The following DNAH7 variants were observed in gnomAD, a reference collection of about 807,000 sequenced individuals.
DNAH7 encodes the protein dynein axonemal heavy chain 7.
In DNAH7, 397 loss-of-function variants were observed where a neutral mutation model predicts 444.6. The observed-to-expected ratio is 0.89, with a 90% confidence interval of 0.82 to 0.97. The LOEUF is 0.97. Ranked by LOEUF, DNAH7 falls within the 50% of genes least tolerant of loss-of-function variation. The pLI is 0.00. For missense variants in DNAH7, 4,902 were observed against 4,800.8 expected (o/e 1.02, Z -0.62); for synonymous variants, 1,636 against 1,624.4 (o/e 1.01, Z -0.17).
intron 58 of DNAH7, among the ~76,000 whole-genome samples, chr2:195,784,108 G>T (rs752972606): frequency 4.6e-5 from 7 of 152,048 alleles, no homozygotes; most frequent in Admixed American, 6.5e-5. Flanking sequence ...ATGAGGACTC[G>T]AAGTCCACAG....
chr2:195,756,251 ACTT>A lies in DNAH7; in HGVS notation c.11465_11467del (p.Glu3822del), dbSNP rs1187882727. 1 of 1,613,348 alleles carries A rather than the reference ACTT, an allele frequency of 6.2e-7. No homozygotes were observed. Among genetic ancestry groups the A allele is most frequent in the Non-Finnish European group, 8.5e-7 (1 of 1,179,588 alleles). On this transcript the variant is annotated inframe_deletion, in exon 62 of 65. Coordinates refer to ENST00000312428, the MANE Select transcript of DNAH7 (RefSeq NM_018897.3). ...TTTGACATTCAAAATGCTGCTAACC[ACTT>A]CTTCAAGATCTGTAGACATGACTGC...
At chr2:195,844,872 C>G in intron 47 of DNAH7, 130 bp downstream of exon 47, 1 of 727,874 alleles carries the variant, frequency 1.4e-6, no homozygotes, top group Non-Finnish European at 2.2e-6. Flanking sequence ...ATTACTCATA[C>G]TTAATTTCAC....
intron 56 of DNAH7, among the ~76,000 whole-genome samples, chr2:195,795,248 G>A (rs981884943): frequency 7.2e-5 from 11 of 152,152 alleles, no homozygotes. Flanking sequence ...CGGCCATGGT[G>A]GCAGGTGCCT....
intron 21 of DNAH7, 104 bp downstream of exon 21, chr2:195,934,487 G>T: frequency 1.7e-6 from 2 of 1,195,366 alleles, no homozygotes; most frequent in Non-Finnish European, 2.4e-6. Flanking sequence ...GTAATTCCAT[G>T]CCTCCATTTC....
At chr2:195,995,433 G>T in intron 12 of DNAH7, 1 of 428,470 alleles carries the variant, frequency 2.3e-6, no homozygotes, top group Non-Finnish European at 4.6e-6. Flanking sequence ...TGGAGTTTTA[G>T]GACTATCTGG....
At chr2:196,019,066 T>C (rs1695206023) in intron 9 of DNAH7, 104 bp downstream of exon 9, 5 of 1,167,924 alleles carry the variant, frequency 4.3e-6, no homozygotes, top group Non-Finnish European at 5.6e-6. Flanking sequence ...ATTAAAATGG[T>C]AATGTTTTAC....
At chr2:195,800,398 T>G (rs540770969) in intron 54 of DNAH7, among the ~76,000 whole-genome samples, 2 of 152,252 alleles carry the variant, frequency 1.3e-5, no homozygotes, top group Non-Finnish European at 2.9e-5. Context: ...CATTTATTAC[T>G]CTAAAGTAGC....
In DNAH7 at chr2:195,834,824, T is replaced by C. The variant is rs987779488; in HGVS notation, c.8946-464A>G. Among the ~76,000 whole-genome samples, 7 of 152,072 alleles carry C rather than the reference T, an allele frequency of 4.6e-5. No homozygotes were observed. The South Asian group carries it at 1.4e-3, about 31-fold the overall frequency. ...ATAGGGAAAGAGGTTTGGAATATTA[T>C]ATCTCAAAATCTAGACCATTAAAGA... is the stretch of plus-strand genomic sequence containing the variant. On this transcript the variant is annotated intron_variant, in intron 47 of 64. Coordinates refer to ENST00000312428, the MANE Select transcript of DNAH7 (RefSeq NM_018897.3).
intron 18 of DNAH7, among the ~76,000 whole-genome samples, chr2:195,958,529 T>C (rs913092758): frequency 7.9e-5 from 12 of 152,148 alleles, no homozygotes; most frequent in Non-Finnish European, 1.6e-4. Flanking sequence ...CCCCAAATTG[T>C]TCAAGGGTCA....
At chr2:195,999,499 T>C (rs774315468) in intron 12 of DNAH7, among the ~76,000 whole-genome samples, 1 of 151,960 alleles carries the variant, frequency 6.6e-6, no homozygotes, top group Admixed American at 6.6e-5. Flanking sequence ...CTAAGTATAA[T>C]AATAAAGGAA....
In DNAH7 at chr2:195,771,661, T is replaced by G. The variant is rs1220237106; in HGVS notation, c.11432A>C (p.Lys3811Thr). 1 of 1,610,588 alleles carries G rather than the reference T, an allele frequency of 6.2e-7. No homozygotes were observed. Among genetic ancestry groups the G allele is most frequent in the Admixed American group, 1.7e-5 (1 of 59,998 alleles). Residue 3811 changes from lysine to threonine, a missense_variant and splice_region_variant, in exon 61 of 65, where the codon AAG (lysine) becomes ACG (threonine). Physicochemically the swap from Lys to Thr is moderately conservative, Grantham distance 78. Coordinates refer to ENST00000312428, the MANE Select transcript of DNAH7 (RefSeq NM_018897.3). ...DSCVNIQKAIKGLAVMSTDLE... is the reference protein window; with the variant it reads ...DSCVNIQKAITGLAVMSTDLE... ...TTTTTTTGGTGTTTTTCACCTTACCTTGATTGCTTTTTGAATATTTACGCA... is the reference window on the plus strand; with the variant it reads ...TTTTTTTGGTGTTTTTCACCTTACCGTGATTGCTTTTTGAATATTTACGCA...
intron 9 of DNAH7, among the ~76,000 whole-genome samples, chr2:196,016,233 A>T (rs568399331): frequency 6.6e-6 from 1 of 152,256 alleles, no homozygotes; most frequent in Admixed American, 6.5e-5. Context: ...CTGAAAGTGG[A>T]TATAAAAAAA....
chr2:196,004,877 C>T (rs1157126754), intron 10 of DNAH7, among the ~76,000 whole-genome samples: 1 of 145,886 alleles, frequency 6.9e-6, no homozygotes, highest in East Asian at 2.1e-4. Flanking sequence ...GGGAGGATGG[C>T]TTGGGCCCAG....
Position 196,001,778 on chromosome 2 carries a change from A to G in DNAH7, c.1070T>C (p.Leu357Ser). 1 of 1,613,278 alleles carries G rather than the reference A, an allele frequency of 6.2e-7. No individual in the cohort carries two copies. The highest frequency in any genetic ancestry group is 8.5e-7 in the Non-Finnish European group (1 of 1,179,630). Residue 357 changes from leucine (L) to serine (S), a missense_variant, in exon 11 of 65, where the codon TTG (leucine) becomes TCG (serine). Transcript: ENST00000312428. ...QLPTGDSSAK[L>S]ESFFNCAAAL... The stretch of plus-strand genomic sequence containing the variant: ...AGCAGCACAGTTGAAAAAAGATTCC[A>G]ATTTGGCACTGCTGTCACCAGTTGG...
intron 19 of DNAH7, among the ~76,000 whole-genome samples, chr2:195,952,688 A>T (rs7572303): frequency 0.029 from 4,414 of 151,974 alleles, 210 homozygotes; most frequent in African/African-American, 0.1. Context: ...GTTGCTCTTC[A>T]ATCTCTGATA....
intron 47 of DNAH7, among the ~76,000 whole-genome samples, chr2:195,839,807 C>T (rs1292991581): frequency 6.6e-6 from 1 of 151,728 alleles, no homozygotes; most frequent in Non-Finnish European, 1.5e-5. Context: ...TGCCAAAACT[C>T]ACTTAGGAAG....
chr2:195,987,249 C>G, intron 13 of DNAH7, 56 bp from the exon 14 acceptor site: 1 of 1,346,130 alleles, frequency 7.4e-7, no homozygotes, highest in South Asian at 1.7e-5. Flanking sequence ...AATAAATTTT[C>G]ACAATTTTGC....
chr2:196,047,286 CT>C, intron 5 of DNAH7, 65 bp downstream of exon 5: 1 of 1,372,030 alleles, frequency 7.3e-7, no homozygotes, highest in Non-Finnish European at 9.7e-7. Flanking sequence ...TTCTAATATT[CT>C]TAGGTTAAAC....
At chr2:196,015,751 G>T (rs913824051) in intron 9 of DNAH7, among the ~76,000 whole-genome samples, 1 of 152,132 alleles carries the variant, frequency 6.6e-6, no homozygotes, top group African/African-American at 2.4e-5. Context: ...TAGAGATGTC[G>T]TATATTTTCA....
Sources: gnomAD v4.1 joint callset for allele counts (sites outside exome capture counted in the v4.1 genomes callset) on GRCh38, gnomAD v4.1.1 for gene constraint, MANE v1.5 for transcripts, NCBI Gene and HGNC (gene_info 2026-07-23, HGNC 2026-07-21) for gene names.